Variants in LYZL2 observed in about 807,000 individuals in gnomAD.
LYZL2 encodes lysozyme-like protein 2.
Under a neutral mutation model 17.1 loss-of-function variants are expected in LYZL2, and 13 were observed. That is an observed-to-expected ratio of 0.76 (90% confidence interval 0.49 to 1.21). LYZL2 has a LOEUF of 1.21. Among genes scored for constraint, LYZL2 ranks in the 50% most tolerant of loss-of-function variants. The pLI is 0.00. For missense variants in LYZL2, 166 were observed against 189.2 expected, an observed-to-expected ratio of 0.88 and a Z score of 0.72; for synonymous variants, 63 against 74.4, an observed-to-expected ratio of 0.85 and a Z score of 0.79.
chr10:30,624,037 G>A (rs924807049), intron 3 of LYZL2, among the ~76,000 whole-genome samples: 5 of 152,114 alleles, frequency 3.3e-5, no homozygotes, highest in Admixed American at 2.0e-4. Flanking sequence ...CTTGTTTCCC[G>A]AACTATGTTT....
At chr10:30,613,821 T>C (rs1838486360) in intron 3 of LYZL2, among the ~76,000 whole-genome samples, 1 of 152,120 alleles carries the variant, frequency 6.6e-6, no homozygotes, top group South Asian at 2.1e-4. Context: ...CCTCAAGCAA[T>C]ACTTCCACCT....
rs117326543 is a variant in LYZL2, at chr10:30,628,483, G to A, written c.-26+1110C>T. On this transcript the variant is annotated intron_variant, in intron 1 of 4. Transcript: ENST00000647634. ...CTGAAATGGGAGTAGGATCAAGAGC[G>A]CTGTCTCCTGCTGCCTACTGATTTT... 9.4e-4 allele frequency among the ~76,000 whole-genome samples: 143 copies of A among 152,224 alleles called. 1 individual carries two copies. In the East Asian group the frequency reaches 0.024, roughly 25 times the overall value.
rs201996785 is a variant in LYZL2, at chr10:30,612,916, T to A, written c.299-16A>T. 2.5e-6 allele frequency: 4 copies of A among 1,608,916 alleles called. No homozygotes were observed. Among genetic ancestry groups the A allele is most frequent in the Middle Eastern group, 1.7e-4 (1 of 6,058 alleles). On this transcript the variant is annotated splice_polypyrimidine_tract_variant and intron_variant, in intron 3 of 4. Transcript: ENST00000647634. ...GTGACCAAGGCTGTAAAAAGAGAGGTCATCAGGGTTAGGCGAGACTTTGTT... is the reference window on the plus strand; with the variant it reads ...GTGACCAAGGCTGTAAAAAGAGAGGACATCAGGGTTAGGCGAGACTTTGTT...
At chr10:30,627,983 C>A (rs1243704256) in intron 1 of LYZL2, among the ~76,000 whole-genome samples, 1 of 152,142 alleles carries the variant, frequency 6.6e-6, no homozygotes, top group Non-Finnish European at 1.5e-5. Flanking sequence ...TGCGGTGAAA[C>A]CCCGTCTCTA....
At chr10:30,607,425 T>C (rs1297209524), downstream of LYZL2, among the ~76,000 whole-genome samples, 1 of 152,038 alleles carries the variant, frequency 6.6e-6, no homozygotes, top group Non-Finnish European at 1.5e-5. Context: ...TCTTTACCTC[T>C]CTCCTCTCTC....
chr10:30,611,570 G>GGAAGGAAAGAAAGAAAGAAAGAAAGAAA (rs1491344870), downstream of LYZL2, among the ~76,000 whole-genome samples: 2 of 54,094 alleles, frequency 3.7e-5, no homozygotes, highest in Non-Finnish European at 7.0e-5. Context: ...AAGGAAGGAA[G>GGAAGGAAAGAAAGAAAGAAAGAAAGAAA]GAAAGAAAGA....
intron 1 of LYZL2, among the ~76,000 whole-genome samples, chr10:30,627,498 T>C (rs1319692967): frequency 6.6e-6 from 1 of 151,966 alleles, no homozygotes; most frequent in African/African-American, 2.4e-5. Context: ...TATAATATAA[T>C]AGTAAATATT....
chr10:30,611,490 G>A (rs560879634), downstream of LYZL2, among the ~76,000 whole-genome samples: 8 of 109,700 alleles, frequency 7.3e-5, no homozygotes, highest in South Asian at 2.6e-3. Context: ...CAGAGCACAA[G>A]ACTCTGAAAA....
chr10:30,618,649 T>TC (rs1402668990), intron 3 of LYZL2, among the ~76,000 whole-genome samples: 1 of 152,194 alleles, frequency 6.6e-6, no homozygotes, highest in Non-Finnish European at 1.5e-5. Flanking sequence ...CTGGATCCCT[T>TC]CCTTACACCT....
chr10:30,611,723 AAAAGAAAAG>A (rs1207090328), downstream of LYZL2: 11 of 111,872 alleles, frequency 9.8e-5, no homozygotes, highest in Admixed American at 1.4e-3. Context: ...AGAAAGAAAG[AAAAGAAAAG>A]AAAGGAAAGA....
chr10:30,616,113 G>A (rs1838523652), intron 3 of LYZL2, among the ~76,000 whole-genome samples: 1 of 152,316 alleles, frequency 6.6e-6, no homozygotes, highest in South Asian at 2.1e-4. Context: ...TCAGTTGAAA[G>A]TGGAATTTTT....
intron 3 of LYZL2, among the ~76,000 whole-genome samples, chr10:30,625,047 C>A (rs966191982): frequency 2.0e-5 from 3 of 152,066 alleles, no homozygotes; most frequent in African/African-American, 7.2e-5. Flanking sequence ...CAGTTCGACA[C>A]CCCCAAGGAA....
intron 3 of LYZL2, among the ~76,000 whole-genome samples, chr10:30,617,687 A>G (rs1386193373): frequency 6.7e-6 from 1 of 148,834 alleles, no homozygotes; most frequent in African/African-American, 2.5e-5. Flanking sequence ...AAAAAAAAAA[A>G]AAAAAAAAAA....
Sources: allele counts gnomAD v4.1 joint callset (sites outside exome capture counted in the v4.1 genomes callset), GRCh38; gene constraint gnomAD v4.1.1; transcripts MANE v1.5; gene names NCBI Gene and HGNC (gene_info 2026-07-23, HGNC 2026-07-21).